DGKB: variants seen among roughly 807,000 people sequenced by gnomAD.
DGKB encodes diacylglycerol kinase beta.
DGKB carries 67 observed loss-of-function variants against 114.3 expected under a neutral mutation model. That is an observed-to-expected ratio of 0.59 (90% CI 0.48 to 0.72). The LOEUF is 0.72. Ranked by LOEUF, DGKB falls within the 30% of genes least tolerant of loss-of-function variation. The probability of loss-of-function intolerance (pLI) is 0.00; values close to 1 mark genes in which losing one functional copy is unlikely to be tolerated. For synonymous variants in DGKB, 398 were observed against 323.1 expected (o/e 1.23, Z -2.49); for missense variants, 907 against 975.2 (o/e 0.93, Z 0.93).
chr7:14,652,703 G>T (rs1363700811), intron 13 of DGKB, among the ~76,000 whole-genome samples: 1 of 150,282 alleles, frequency 6.7e-6, no homozygotes, highest in Non-Finnish European at 1.5e-5. Flanking sequence ...TACCATCAGA[G>T]TGAACAGGCA....
chr7:14,919,062 G>GCA (rs767285844), intron 1 of DGKB, among the ~76,000 whole-genome samples: 2,685 of 118,036 alleles, frequency 0.023, 32 homozygotes, highest in Non-Finnish European at 0.031. Flanking sequence ...TCCACCACAC[G>GCA]CACACACACA....
At chr7:14,209,062 G>C (rs10229050) in intron 23 of DGKB, 75,598 of 166,094 alleles carry the variant, frequency 0.46, 20,226 homozygotes, top group African/African-American at 0.76. Flanking sequence ...TTTTCCTGTA[G>C]GGCACATGTC....
At chr7:14,481,764 G>A (rs2128913096) in intron 20 of DGKB, among the ~76,000 whole-genome samples, 1 of 151,958 alleles carries the variant, frequency 6.6e-6, no homozygotes, top group South Asian at 2.1e-4. Context: ...CTCCCTGTGT[G>A]CAAACTTTTC....
At chr7:14,516,690 A>T (rs556233289) in intron 20 of DGKB, among the ~76,000 whole-genome samples, 1 of 152,242 alleles carries the variant, frequency 6.6e-6, no homozygotes, top group African/African-American at 2.4e-5. Context: ...TTGTTGGTGT[A>T]TGGGAATGCT....
rs1782043174 is a variant in DGKB, at chr7:14,178,035, T to A, written c.2239A>T (p.Ile747Phe). The A allele has an allele frequency of 6.4e-7, 1 of 1,567,364 alleles. No homozygotes were observed. Among genetic ancestry groups the A allele is most frequent in the African/African-American group, 1.4e-5 (1 of 72,202 alleles). Residue 747 changes from isoleucine (I) to phenylalanine (F), a missense_variant, in exon 24 of 26, where the codon ATC becomes TTC. Coordinates refer to ENST00000402815, the MANE Select transcript of DGKB (RefSeq NM_001350709.2). ...RRLAQCSCVV[I>F]RTSKSLPMQI... ...CAGTTACAGAAAGGGAACTACCTGATGACCACGCAGGAGCACTGAGCCAGC... is the reference window on the plus strand; with the variant it reads ...CAGTTACAGAAAGGGAACTACCTGAAGACCACGCAGGAGCACTGAGCCAGC...
At position 14,176,938 on chromosome 7, in the gene DGKB, T is replaced by C. The variant is rs530788517; in HGVS notation, c.2244-39A>G. ...TTTCATTGTAAGTATTGCAAGGAAA[T>C]ACTTTATATTACAGACTATATGTGA... On this transcript the variant is annotated intron_variant, in intron 24 of 25. Transcript: ENST00000402815. 1.1e-5 allele frequency: 17 copies of C among 1,610,716 alleles called. No homozygotes were observed. The East Asian group carries it at 2.9e-4, about 27-fold the overall frequency.
intron 20 of DGKB, among the ~76,000 whole-genome samples, chr7:14,518,821 T>G (rs558451316): frequency 6.6e-6 from 1 of 152,140 alleles, no homozygotes; most frequent in African/African-American, 2.4e-5. Context: ...GCTCTTCAAT[T>G]TTAGCACATA....
At chr7:14,502,652 G>A (rs558631440) in intron 20 of DGKB, among the ~76,000 whole-genome samples, 13 of 152,034 alleles carry the variant, frequency 8.6e-5, no homozygotes, top group African/African-American at 2.7e-4. Context: ...TATAGAGATC[G>A]CAAATTTTGA....
chr7:14,222,976 G>A (rs1790237453), intron 23 of DGKB, among the ~76,000 whole-genome samples: 1 of 151,556 alleles, frequency 6.6e-6, no homozygotes, highest in African/African-American at 2.4e-5. Flanking sequence ...ATTGCTGTTT[G>A]CATGATCTGT....
At chr7:14,959,381 T>A (rs984444811) in intron 1 of DGKB, among the ~76,000 whole-genome samples, 1 of 151,682 alleles carries the variant, frequency 6.6e-6, no homozygotes, top group African/African-American at 2.4e-5. Flanking sequence ...AAATAGAGTT[T>A]TTTTTTTTTA....
At chr7:14,222,578 TGAAAA>T (rs1308162018) in intron 23 of DGKB, among the ~76,000 whole-genome samples, 2 of 151,560 alleles carry the variant, frequency 1.3e-5, no homozygotes, top group Non-Finnish European at 3.0e-5. Context: ...GATGTACACT[TGAAAA>T]GAAAAGCATA....
At position 14,749,824 on chromosome 7, in the gene DGKB, C is replaced by G. The variant is rs112067999; in HGVS notation, c.168+4104G>C. Among the ~76,000 whole-genome samples, 997 of 152,210 alleles carry G rather than the reference C, an allele frequency of 6.6e-3. 12 individuals are homozygous for G. The highest frequency in any genetic ancestry group is 0.022 in the African/African-American group (923 of 41,528). On this transcript the variant is annotated intron_variant, in intron 4 of 25. Coordinates refer to ENST00000402815, the MANE Select transcript of DGKB (RefSeq NM_001350709.2). The stretch of plus-strand genomic sequence containing the variant: ...TATATATAATTTCAATTAATAAGAT[C>G]AGTTTTTAATTATTCCTTACTTGTA...
At chr7:14,415,871 G>C (rs766006527) in intron 21 of DGKB, among the ~76,000 whole-genome samples, 2 of 152,098 alleles carry the variant, frequency 1.3e-5, no homozygotes, top group African/African-American at 4.8e-5. Context: ...GGTTGAACTA[G>C]TTTACAGTCC....
At chr7:14,863,729 TCAC>T (rs1053130806) in intron 1 of DGKB, among the ~76,000 whole-genome samples, 44 of 152,156 alleles carry the variant, frequency 2.9e-4, no homozygotes, top group African/African-American at 9.7e-4. Flanking sequence ...AACGCATCCA[TCAC>T]CACATCAACT....
chr7:14,427,700 G>A (rs575338422), intron 21 of DGKB, among the ~76,000 whole-genome samples: 25 of 152,204 alleles, frequency 1.6e-4, no homozygotes, highest in Admixed American at 9.2e-4. Context: ...GAGCTTGTGC[G>A]GGGAAATTCC....
At chr7:14,316,919 C>G (rs1316709539) in intron 23 of DGKB, among the ~76,000 whole-genome samples, 1 of 71,688 alleles carries the variant, frequency 1.4e-5, no homozygotes, top group Non-Finnish European at 2.5e-5. Context: ...AGCAGCACAT[C>G]AAAAAGCTTA....
chr7:14,810,747 T>A (rs2128078457), intron 2 of DGKB, among the ~76,000 whole-genome samples: 1 of 152,274 alleles, frequency 6.6e-6, no homozygotes, highest in Non-Finnish European at 1.5e-5. Flanking sequence ...TAGCTGGGAC[T>A]ACAGGCATGC....
chr7:14,231,691 CT>C (rs1422637978), intron 23 of DGKB, among the ~76,000 whole-genome samples: 4 of 151,370 alleles, frequency 2.6e-5, no homozygotes, highest in Admixed American at 6.6e-5. Context: ...TGGTAATTTT[CT>C]GCTATACAGA....
At chr7:14,810,370 T>A (rs944664187) in intron 2 of DGKB, among the ~76,000 whole-genome samples, 4 of 150,148 alleles carry the variant, frequency 2.7e-5, no homozygotes, top group Non-Finnish European at 4.5e-5. Flanking sequence ...CTCAGCCATG[T>A]TTAGACTACA....
Sources: gnomAD v4.1 joint callset for allele counts (sites outside exome capture counted in the v4.1 genomes callset) on GRCh38, gnomAD v4.1.1 for gene constraint, MANE v1.5 for transcripts, NCBI Gene and HGNC (gene_info 2026-07-23, HGNC 2026-07-21) for gene names.